The following SGCD variants were observed in gnomAD, a reference collection of about 807,000 sequenced individuals.
SGCD encodes delta-sarcoglycan.
In SGCD, 18 loss-of-function variants were observed where a neutral mutation model predicts 36.6. That is an observed-to-expected ratio of 0.49 (90% confidence interval 0.34 to 0.73). The LOEUF (loss-of-function observed/expected upper bound fraction) is 0.73, where lower values mean the gene tolerates loss of function less well. Among genes scored for constraint, SGCD ranks in the 30% least tolerant of loss-of-function variants. The pLI is 0.01. For missense variants in SGCD, 387 were observed against 346.7 expected (o/e 1.12, Z -0.92); for synonymous variants, 133 against 130.6 (o/e 1.02, Z -0.12).
chr5:156,361,006 T>C (rs1394939275), intron 3 of SGCD, among the ~76,000 whole-genome samples: 1 of 152,046 alleles, frequency 6.6e-6, no homozygotes, highest in Non-Finnish European at 1.5e-5. Flanking sequence ...GCTAACACAC[T>C]GCCACCTGCA....
At chr5:156,672,733 C>T (rs955254252) in intron 7 of SGCD, among the ~76,000 whole-genome samples, 1 of 152,094 alleles carries the variant, frequency 6.6e-6, no homozygotes, top group Non-Finnish European at 1.5e-5. Flanking sequence ...ATGAGTGTTT[C>T]AGGAAAGAGC....
intron 3 of SGCD, among the ~76,000 whole-genome samples, chr5:156,371,243 G>A (rs571730244): frequency 1.3e-5 from 2 of 152,126 alleles, no homozygotes; most frequent in South Asian, 4.1e-4. Context: ...AATTGTTTTG[G>A]TTTTTGAGTT....
chr5:156,716,717 G>C (rs1168328931), intron 7 of SGCD, among the ~76,000 whole-genome samples: 2 of 152,124 alleles, frequency 1.3e-5, no homozygotes, highest in African/African-American at 4.8e-5. Context: ...TTCCTTAAAA[G>C]GCTTCTCCTT....
intron 3 of SGCD, among the ~76,000 whole-genome samples, chr5:156,411,798 T>A (rs564218606): frequency 6.6e-6 from 1 of 152,316 alleles, no homozygotes; most frequent in Non-Finnish European, 1.5e-5. Flanking sequence ...ACTTTGTAAA[T>A]AACTTCTCAG....
chr5:156,237,906 T>C lies in SGCD; in HGVS notation c.-43-91628T>C, dbSNP rs181727856. Among the ~76,000 whole-genome samples the C allele has an allele frequency of 5.2e-4, 79 of 151,556 alleles. No homozygotes were observed. In the Middle Eastern group the frequency reaches 0.014, roughly 26 times the overall value. ...ACTGAATAGGGAAAATAAGAAACAATACAGTTCCCAAGGCTAGAAGGAAAA... is the reference window on the plus strand; with the variant it reads ...ACTGAATAGGGAAAATAAGAAACAACACAGTTCCCAAGGCTAGAAGGAAAA... On this transcript the variant is annotated intron_variant, in intron 3 of 9. Transcript: ENST00000517913.
intron 7 of SGCD, among the ~76,000 whole-genome samples, chr5:156,713,405 C>A: frequency 1.4e-5 from 2 of 139,906 alleles, no homozygotes; most frequent in South Asian, 2.3e-4. Context: ...GGACTTTGAA[C>A]ATGTCGGGGG....
At position 156,423,381 on chromosome 5, in the gene SGCD, A is replaced by ATATAATATTATAATTTTAT. The variant is rs1561685915; in HGVS notation, c.192+78712_192+78713insTATAATTTTATTATAATAT. ...TTATAATATATTATATTTTATTATA[A>ATATAATATTATAATTTTAT]TATAATATATTATATTTTATTATAA... On this transcript the variant is annotated intron_variant, in intron 3 of 8. Coordinates refer to ENST00000337851, the MANE Select transcript of SGCD (RefSeq NM_000337.6). Among the ~76,000 whole-genome samples the ATATAATATTATAATTTTAT allele has an allele frequency of 2.9e-4, 27 of 93,694 alleles. 3 individuals are homozygous for ATATAATATTATAATTTTAT. The highest frequency in any genetic ancestry group is 1.1e-3 in the African/African-American group (24 of 22,216). The allele number at this position is 93,694 out of a possible 152,430, so 61.5% of individuals were successfully genotyped here. A position where few individuals can be genotyped will look rare whatever the true frequency, so the allele number is the denominator to read the frequency against.
intron 1 of SGCD, among the ~76,000 whole-genome samples, chr5:155,926,650 G>A (rs1251419238): frequency 3.9e-5 from 6 of 152,070 alleles, no homozygotes; most frequent in Admixed American, 1.3e-4. Context: ...GATGTTTCTC[G>A]TGAAATTGTT....
intron 6 of SGCD, among the ~76,000 whole-genome samples, chr5:156,632,920 G>A (rs1409236802): frequency 6.6e-6 from 1 of 152,190 alleles, no homozygotes; most frequent in East Asian, 1.9e-4. Context: ...ACCCCAGCTA[G>A]GTCATGGGAA....
rs543174996 is a variant in SGCD, at chr5:156,359,849, C to A, written c.192+15172C>A. 3.9e-5 allele frequency among the ~76,000 whole-genome samples: 6 copies of A among 152,278 alleles called. No homozygotes were observed. In the South Asian group the frequency reaches 1.2e-3, roughly 32 times the overall value. On this transcript the variant is annotated intron_variant, in intron 3 of 8. Transcript: ENST00000337851. ...TTTTCTCTTTGTGTTTTCTAATGGACCTTATTGATTCTTTTCTGTCATATT... is the reference window on the plus strand; with the variant it reads ...TTTTCTCTTTGTGTTTTCTAATGGAACTTATTGATTCTTTTCTGTCATATT...
chr5:156,277,251 C>T lies in SGCD; in HGVS notation c.-43-52283C>T, dbSNP rs144444879. Among the ~76,000 whole-genome samples, 1,062 of 152,284 alleles carry T rather than the reference C, an allele frequency of 7.0e-3. 9 individuals are homozygous for T. Among genetic ancestry groups the T allele is most frequent in the Non-Finnish European group, 0.012 (795 of 68,024 alleles). ...CGCCAAAATTCAAGGAGGCTCCTTT[C>T]CCTCTTAACACCTTCCCCTGCCTCT... On this transcript the variant is annotated intron_variant, in intron 3 of 9. Transcript: ENST00000517913.
chr5:155,954,703 C>T (rs777514935), intron 1 of SGCD, among the ~76,000 whole-genome samples: 6 of 151,830 alleles, frequency 4.0e-5, no homozygotes, highest in Non-Finnish European at 4.4e-5. Flanking sequence ...AAAGGTTTTC[C>T]AGAGAAAGAG....
chr5:156,284,275 C>A (rs1766533582), intron 3 of SGCD, among the ~76,000 whole-genome samples: 1 of 152,128 alleles, frequency 6.6e-6, no homozygotes, highest in African/African-American at 2.4e-5. Context: ...CCTTCTGAAA[C>A]TATTCCAATC....
the SGCD span, chr5:155,845,342 G>A: frequency 6.6e-6 from 1 of 152,030 alleles, no homozygotes; most frequent in Non-Finnish European, 1.5e-5. Flanking sequence ...GATGACAGTA[G>A]GAAGGAGTGA....
intron 4 of SGCD, among the ~76,000 whole-genome samples, chr5:156,566,159 C>G (rs931296894): frequency 6.6e-6 from 1 of 151,988 alleles, no homozygotes; most frequent in Admixed American, 6.6e-5. Flanking sequence ...ACATCTCATA[C>G]CAGTTAAAAT....
chr5:156,031,180 C>T (rs907854892), intron 1 of SGCD, among the ~76,000 whole-genome samples: 1 of 152,176 alleles, frequency 6.6e-6, no homozygotes, highest in African/African-American at 2.4e-5. Flanking sequence ...GACACAGATT[C>T]CTGTGCTCCA....
the SGCD span, among the ~76,000 whole-genome samples, chr5:155,738,808 AGAGAGTGTGT>A: frequency 2.8e-5 from 4 of 142,266 alleles, no homozygotes; most frequent in Non-Finnish European, 4.5e-5. Flanking sequence ...AGTGTGTGTA[AGAGAGTGTGT>A]GAGAGTGTGT....
chr5:156,679,060 T>A (rs1303833507), intron 7 of SGCD, among the ~76,000 whole-genome samples: 2 of 152,198 alleles, frequency 1.3e-5, no homozygotes, highest in Admixed American at 6.5e-5. Flanking sequence ...TTGTATGGAT[T>A]TCTGCTGATG....
In SGCD at chr5:156,083,499, T is replaced by C. The variant is rs560868109; in HGVS notation, c.-281-34379T>C. Among the ~76,000 whole-genome samples the C allele has an allele frequency of 4.0e-5, 6 of 151,846 alleles. No homozygotes were observed. In the South Asian group the frequency reaches 1.0e-3, roughly 26 times the overall value. On this transcript the variant is annotated intron_variant, in intron 1 of 9. Transcript: ENST00000517913. ...TAGTAGAGGCAGGGTTTCTCCGTGT[T>C]GGTCAGGTTGGTCTCGAACTCCTGA...
Sources: gnomAD v4.1 joint callset for allele counts (sites outside exome capture counted in the v4.1 genomes callset) on GRCh38, gnomAD v4.1.1 for gene constraint, MANE v1.5 for transcripts, NCBI Gene and HGNC (gene_info 2026-07-23, HGNC 2026-07-21) for gene names.